Variants in ZP4 observed in about 807,000 individuals in gnomAD.
The protein encoded by ZP4 is zona pellucida sperm-binding protein 4.
In ZP4, 62 loss-of-function variants were observed where a neutral mutation model predicts 62.3. That is an observed-to-expected ratio of 0.99 (90% CI 0.81 to 1.23). ZP4 has a LOEUF of 1.23. Ranked by LOEUF, ZP4 falls within the 50% of genes most tolerant of loss-of-function variation. ZP4 has a pLI of 0.00. For synonymous variants in ZP4, 289 were observed against 247.3 expected, an observed-to-expected ratio of 1.17 and a Z score of -1.58; for missense variants, 774 against 656.0, an observed-to-expected ratio of 1.18 and a Z score of -1.97.
At chr1:237,888,606 T>C in intron 3 of ZP4, 96 bp from the exon 4 acceptor site, 1 of 1,215,966 alleles carries the variant, frequency 8.2e-7, no homozygotes, top group Non-Finnish European at 1.1e-6. Context: ...TTCCTGTAGA[T>C]ATGTAGATGA....
intron 1 of ZP4, 52 bp from the exon 2 acceptor site, chr1:237,890,228 A>G: frequency 6.2e-7 from 1 of 1,611,226 alleles, no homozygotes; most frequent in Non-Finnish European, 8.5e-7. Context: ...CTCCAGTGCC[A>G]GAAAGGATAG....
In ZP4 at chr1:237,885,203, C is replaced by T. The variant is rs1479533168; in HGVS notation, c.1273G>A (p.Val425Met). Residue 425 changes from valine to methionine, a missense_variant, in exon 9 of 12, where the codon GTG becomes ATG. By Grantham distance (21) the Val-to-Met change is conservative. Transcript: ENST00000366570. ...GCCTGTTTCTCCACTGTAGGGTTCA[C>T]AAAGCTGAAGGTGAAGATGCTGAAG... is the stretch of plus-strand genomic sequence containing the variant. Reference protein sequence around the residue: ...QRFSIFTFSFVNPTVEKQALR... With the variant: ...QRFSIFTFSFMNPTVEKQALR... 2 of 1,614,118 alleles carry T rather than the reference C, an allele frequency of 1.2e-6. No individual in the cohort carries two copies. The highest frequency in any genetic ancestry group is 2.2e-5 in the East Asian group (1 of 44,862).
At position 237,883,967 on chromosome 1, in the gene ZP4, AACACACAC is replaced by A. The variant is rs201363836; in HGVS notation, c.1390+794_1390+801del. Reference sequence around the variant, plus strand: ...AGAGCAAGAACTGGTCACACACACAAACACACACACACACAAACACACACACACACACA... The same window carrying A: ...AGAGCAAGAACTGGTCACACACACAAACACACAAACACACACACACACACA... On this transcript the variant is annotated intron_variant, in intron 10 of 11. Transcript: ENST00000366570. Among the ~76,000 whole-genome samples, 48 of 86,570 alleles carry A rather than the reference AACACACAC, an allele frequency of 5.5e-4. No individual in the cohort carries two copies. In the East Asian group the frequency reaches 0.013, roughly 23 times the overall value. The allele number at this position is 86,570 out of a possible 152,430, so 56.8% of individuals were successfully genotyped here.
intron 2 of ZP4, 33 bp downstream of exon 2, chr1:237,890,020 TCA>T (rs1665202386): frequency 2.5e-6 from 4 of 1,614,118 alleles, no homozygotes; most frequent in Non-Finnish European, 3.4e-6. Flanking sequence ...ATGAGGCGCT[TCA>T]CACAGTCTCC....
chr1:237,883,889 G>A (rs1195172562), intron 10 of ZP4, among the ~76,000 whole-genome samples: 1 of 150,874 alleles, frequency 6.6e-6, no homozygotes, highest in African/African-American at 2.5e-5. Flanking sequence ...GAGCTCAGGA[G>A]GTCGAGGCTA....
intron 3 of ZP4, among the ~76,000 whole-genome samples, chr1:237,889,644 T>TA (rs1307823969): frequency 1.3e-5 from 2 of 152,102 alleles, no homozygotes; most frequent in African/African-American, 4.8e-5. Flanking sequence ...ATGTTAGGGT[T>TA]AGGGAAGGTA....
At chr1:237,885,370 G>A in intron 8 of ZP4, 21 bp downstream of exon 8, 1 of 1,611,074 alleles carries the variant, frequency 6.2e-7, no homozygotes. Context: ...TTCAGCACAG[G>A]TGTATGAAAG....
At chr1:237,883,639 AGGGCG>A (rs1664972704) in intron 10 of ZP4, among the ~76,000 whole-genome samples, 2 of 7,706 alleles carry the variant, frequency 2.6e-4, no homozygotes, top group African/African-American at 1.1e-3. Flanking sequence ...GGGGAGGGGG[AGGGCG>A]GGGGAGGGCG....
At position 237,890,739 on chromosome 1, in the gene ZP4, T is replaced by G; in HGVS notation, c.-104A>C. 1 of 1,317,664 alleles carries G rather than the reference T, an allele frequency of 7.6e-7. No homozygotes were observed. Among genetic ancestry groups the G allele is most frequent in the Non-Finnish European group, 1.0e-6 (1 of 972,908 alleles). 81.6% of individuals were successfully genotyped at this position (1,317,664 alleles called of 1,614,324 possible). A position where few individuals can be genotyped will look rare whatever the true frequency, so the allele number is the denominator to read the frequency against. ...CTTTATATACAGAAGTCAGGCTTGT[T>G]TTCAGCTGCACATCTTTGTGACACT... On this transcript the variant is annotated 5_prime_UTR_variant, in exon 1 of 12. Transcript: ENST00000366570.
chr1:237,888,772 T>C (rs576311709), intron 3 of ZP4, among the ~76,000 whole-genome samples: 7 of 152,246 alleles, frequency 4.6e-5, no homozygotes, highest in African/African-American at 1.7e-4. Context: ...GTAGAAGCAG[T>C]TGGGGGGTTT....
Position 237,882,479 on chromosome 1 carries a change from T to C in ZP4, c.1566A>G (p.Leu522=). The C allele has an allele frequency of 6.2e-7, 1 of 1,609,660 alleles. No individual in the cohort carries two copies. The highest frequency in any genetic ancestry group is 2.2e-5 in the East Asian group (1 of 44,846). Residue 522 remains leucine, a synonymous_variant, in exon 12 of 12, where the codon TTA becomes TTG. Coordinates refer to ENST00000366570, the MANE Select transcript of ZP4 (RefSeq NM_021186.5). ...GTTTCTTGACAGCCAAGTAGGATAC[T>C]AACAAGGCTCCAAGGATTAAGGTCC... ...LSGTLILGAL[L]VSYLAVKKQK...
At chr1:237,883,303 A>G (rs2487789) in intron 10 of ZP4, among the ~76,000 whole-genome samples, 76,363 of 151,606 alleles carry the variant, frequency 0.5, 21,539 homozygotes, top group African/African-American at 0.76. Flanking sequence ...GAAAGATGGC[A>G]AGATGGCAAA....
In ZP4 at chr1:237,890,458, T is replaced by C. The variant is rs1274399151; in HGVS notation, c.175+3A>G. On this transcript the variant is annotated splice_donor_region_variant and intron_variant, in intron 1 of 11. Coordinates refer to ENST00000366570, the MANE Select transcript of ZP4 (RefSeq NM_021186.5). The stretch of plus-strand genomic sequence containing the variant: ...GCTAAGCAAGGCAAGTCATCAAACT[T>C]ACCCCAAGCTATTAGTACAGGAGGA... The C allele has an allele frequency of 6.2e-7, 1 of 1,606,152 alleles. No homozygotes were observed. The highest frequency in any genetic ancestry group is 8.5e-7 in the Non-Finnish European group (1 of 1,176,932).
chr1:237,885,156 A>G lies in ZP4; in HGVS notation c.1311+9T>C, dbSNP rs202090191. The G allele has an allele frequency of 5.5e-5, 89 of 1,611,952 alleles. No individual in the cohort carries two copies. The highest frequency in any genetic ancestry group is 3.7e-4 in the Admixed American group (22 of 59,804). Reference sequence around the variant, plus strand: ...GCCCTGGTGAGTGTCATGGAAGGGAACATCCTACCGGTCCCCTGAGGGCCT... The same window carrying G: ...GCCCTGGTGAGTGTCATGGAAGGGAGCATCCTACCGGTCCCCTGAGGGCCT... On this transcript the variant is annotated intron_variant, in intron 9 of 11. Coordinates refer to ENST00000366570, the MANE Select transcript of ZP4 (RefSeq NM_021186.5).
At position 237,885,569 on chromosome 1, in the gene ZP4, C is replaced by T. The variant is rs1389030313; in HGVS notation, c.982G>A (p.Gly328Ser). ...ELQIAKDKNY[G>S]SYYGVGDYPV... ...TAGTCACCAACACCGTAGTAAGAGC[C>T]ATAGTTTTTATCTGCAAGAGGCAGA... is the stretch of plus-strand genomic sequence containing the variant. Residue 328 changes from glycine to serine, a missense_variant, in exon 8 of 12, where the codon GGC becomes AGC. Gly to Ser is a moderately conservative substitution (Grantham distance 56). Transcript: ENST00000366570. The T allele has an allele frequency of 3.1e-6, 5 of 1,613,038 alleles. No homozygotes were observed. The highest frequency in any genetic ancestry group is 4.2e-6 in the Non-Finnish European group (5 of 1,179,652).
chr1:237,889,342 G>T (rs1451077135), intron 3 of ZP4, among the ~76,000 whole-genome samples: 7 of 145,686 alleles, frequency 4.8e-5, no homozygotes, highest in Non-Finnish European at 9.0e-5. Flanking sequence ...TTTTGAGACA[G>T]GGTTTCGCTC....
rs1227958604 is a variant in ZP4, at chr1:237,885,691, G to A, written c.970+65C>T. The A allele has an allele frequency of 1.9e-6, 3 of 1,600,002 alleles. No individual in the cohort carries two copies. In the East Asian group the frequency reaches 6.7e-5, roughly 36 times the overall value. ...TTAAGTGTCTTGTTACTAACTTAGGGTCTTCATGCCCCAGAAGACTGGATT... is the reference window on the plus strand; with the variant it reads ...TTAAGTGTCTTGTTACTAACTTAGGATCTTCATGCCCCAGAAGACTGGATT... On this transcript the variant is annotated intron_variant, in intron 7 of 11. Coordinates refer to ENST00000366570, the MANE Select transcript of ZP4 (RefSeq NM_021186.5).
In ZP4 at chr1:237,886,793, CAG is replaced by C. The variant is rs751630306; in HGVS notation, c.815_816del (p.Ser272CysfsTer4). ...TACCTGAAGATGCTGTCACGAGTGA[CAG>C]AGCCACGGCTCCCATTTTTCACATC... ...TRDVKNGSRG[S>X]VTRDSIFRLH... On this transcript the variant is annotated frameshift_variant, in exon 6 of 12. Transcript: ENST00000366570. LOFTEE classifies it high-confidence loss of function. 5 of 1,613,910 alleles carry C rather than the reference CAG, an allele frequency of 3.1e-6. No homozygotes were observed. In the African/African-American group the frequency reaches 5.3e-5, roughly 17 times the overall value.
chr1:237,886,562 A>T (rs1665107150), intron 6 of ZP4, among the ~76,000 whole-genome samples: 1 of 152,206 alleles, frequency 6.6e-6, no homozygotes, highest in African/African-American at 2.4e-5. Context: ...TAAGTGAAAT[A>T]GCAGAACTCC....
Sources: allele counts gnomAD v4.1 joint callset (sites outside exome capture counted in the v4.1 genomes callset), GRCh38; gene constraint gnomAD v4.1.1; transcripts MANE v1.5; gene names NCBI Gene and HGNC (gene_info 2026-07-23, HGNC 2026-07-21).